Variants in MCM2 observed in about 807,000 individuals in gnomAD.
The protein encoded by MCM2 is DNA replication licensing factor MCM2.
In MCM2, 49 loss-of-function variants were observed where a neutral mutation model predicts 86.4. The observed-to-expected ratio is 0.57, with a 90% confidence interval of 0.45 to 0.72. MCM2 has a LOEUF of 0.72. MCM2 is among the 30% of genes least tolerant of loss of function. The probability of loss-of-function intolerance (pLI) is 0.00; values close to 1 mark genes in which losing one functional copy is unlikely to be tolerated. For missense variants in MCM2, 1,038 were observed against 1,259.9 expected (o/e 0.82, Z 2.67); for synonymous variants, 475 against 484.6 (o/e 0.98, Z 0.26).
At position 127,604,986 on chromosome 3, in the gene MCM2, T is replaced by C. The variant is rs762068793; in HGVS notation, c.503T>C (p.Ile168Thr). ...TEDGEEDEEM[I>T]ESIENLEDLK... is the part of the protein sequence containing the mutation. ...GACGGCGAGGAGGACGAGGAGATGA[T>C]CGAGAGCATCGAGAACCTGGAGGAT... The change falls in exon 4 of 16, where the codon ATC (isoleucine) becomes ACC (threonine). Residue 168 changes from isoleucine (I) to threonine (T), a missense_variant. Transcript: ENST00000265056. 2 of 1,613,918 alleles carry C rather than the reference T, an allele frequency of 1.2e-6. No homozygotes were observed. Among genetic ancestry groups the C allele is most frequent in the South Asian group, 2.2e-5 (2 of 91,078 alleles).
rs368340805 is a variant in MCM2 at position 127,621,774 on chromosome 3, G to A, written c.*1G>A. On this transcript the variant is annotated 3_prime_UTR_variant, in exon 16 of 16. Coordinates refer to ENST00000265056, the MANE Select transcript of MCM2 (RefSeq NM_004526.4). ...GAAAATGATCCTGCAGCAGTTCTGA[G>A]GCCCTATGCCATCCATAAGGATTCC... 4.3e-6 allele frequency: 7 copies of A among 1,611,616 alleles called. No individual in the cohort carries two copies. The highest frequency in any genetic ancestry group is 5.9e-6 in the Non-Finnish European group (7 of 1,177,982).
Position 127,608,881 on chromosome 3 carries a change from C to T in MCM2, c.1286C>T (p.Ala429Val). 6 of 1,614,148 alleles carry T rather than the reference C, an allele frequency of 3.7e-6. No individual in the cohort carries two copies. The highest frequency in any genetic ancestry group is 5.1e-6 in the Non-Finnish European group (6 of 1,180,036). Residue 429 changes from alanine (A) to valine (V), a missense_variant, in exon 8 of 16, where the codon GCC (alanine) becomes GTC (valine). By Grantham distance (64) the Ala-to-Val change is moderately conservative. Transcript: ENST00000265056. The part of the protein sequence containing the change: ...HNNYDGSLNT[A>V]NGFPVFATVI... ...AACTATGATGGCTCCCTCAACACTGCCAATGGCTTCCCTGTCTTTGCCACT... is the reference window on the plus strand; with the variant it reads ...AACTATGATGGCTCCCTCAACACTGTCAATGGCTTCCCTGTCTTTGCCACT...
chr3:127,598,969 T>C, intron 1 of MCM2: 2 of 396,512 alleles, frequency 5.0e-6, no homozygotes, highest in Non-Finnish European at 9.1e-6. Context: ...CTGTGTGTGC[T>C]GAAATAGGTC....
intron 8 of MCM2, among the ~76,000 whole-genome samples, chr3:127,609,837 CTTTTTTTTTTTTTTTTT>C (rs10716532): frequency 1.4e-5 from 1 of 69,088 alleles, no homozygotes; most frequent in Admixed American, 2.0e-4. Flanking sequence ...AGTCAACTTC[CTTTTTTTTTTTTTTTTT>C]TTTTTTTTTT....
At position 127,612,052 on chromosome 3, in the gene MCM2, G is replaced by A. The variant is rs536317776; in HGVS notation, c.1428+3029G>A. ...TTTTGAGTTAGTTATCATCCTTGAGGGATCCGGAGACTTCACATAGAAATC... is the reference window on the plus strand; with the variant it reads ...TTTTGAGTTAGTTATCATCCTTGAGAGATCCGGAGACTTCACATAGAAATC... On this transcript the variant is annotated intron_variant, in intron 8 of 15. Transcript: ENST00000265056. Among the ~76,000 whole-genome samples, 15 of 152,284 alleles carry A rather than the reference G, an allele frequency of 9.9e-5. 1 individual carries two copies. The highest frequency in any genetic ancestry group is 4.2e-4 in the South Asian group (2 of 4,814).
At chr3:127,620,963 C>G in intron 14 of MCM2, 83 bp downstream of exon 14, 1 of 1,568,998 alleles carries the variant, frequency 6.4e-7, no homozygotes, top group Admixed American at 1.7e-5. Flanking sequence ...CTGGCCTGGA[C>G]GTGCACCCAG....
At chr3:127,611,309 C>G (rs2074393077) in intron 8 of MCM2, among the ~76,000 whole-genome samples, 1 of 152,224 alleles carries the variant, frequency 6.6e-6, no homozygotes, top group South Asian at 2.1e-4. Flanking sequence ...GTGTCTGTGC[C>G]TACCACGCCA....
Position 127,604,645 on chromosome 3 carries a change from GC to G in MCM2, c.276del (p.Glu93ArgfsTer10). The G allele has an allele frequency of 6.2e-7, 1 of 1,613,318 alleles. No homozygotes were observed. Among genetic ancestry groups the G allele is most frequent in the Non-Finnish European group, 8.5e-7 (1 of 1,180,040 alleles). On this transcript the variant is annotated frameshift_variant, in exon 3 of 16. Transcript: ENST00000265056. LOFTEE classifies it high-confidence loss of function. ...CATCCCAGAGCTGGACGCCTATGAGGCCGAGGGACTGGCTCTGGATGATGAG... is the reference window on the plus strand; with the variant it reads ...CATCCCAGAGCTGGACGCCTATGAGGCGAGGGACTGGCTCTGGATGATGAG... ...RAIPELDAYE[A>X]EGLALDDEDV... is the part of the protein sequence containing the mutation.
rs140620010 is a variant in MCM2, at chr3:127,608,999, C to G, written c.1404C>G (p.Ser468=). ...DEDVKMITSL[S]KDQQIGEKIF... ...ATGTGAAGATGATCACTAGCCTCTC[C>G]AAGGATCAGCAGATCGGAGAGAAGG... The change falls in exon 8 of 16, where the codon TCC becomes TCG. Residue 468 remains serine, a synonymous_variant. Transcript: ENST00000265056. 1.9e-4 allele frequency: 306 copies of G among 1,614,102 alleles called. 1 individual carries two copies. In the African/African-American group the frequency reaches 3.5e-3, roughly 18 times the overall value.
chr3:127,620,821 G>C lies in MCM2; in HGVS notation c.2389G>C (p.Val797Leu). 1 of 1,614,008 alleles carries C rather than the reference G, an allele frequency of 6.2e-7. No homozygotes were observed. The highest frequency in any genetic ancestry group is 1.7e-5 in the Admixed American group (1 of 60,006). ...AGACGACGTCAACATGGCCATCCGC[G>C]TGATGCTGGAGAGCTTCATAGACAC... Reference protein sequence around the residue: ...IEDDVNMAIRVMLESFIDTQK... With the variant: ...IEDDVNMAIRLMLESFIDTQK... Residue 797 changes from valine (V) to leucine (L), a missense_variant, in exon 14 of 16, where the codon GTG becomes CTG. Transcript: ENST00000265056.
rs774383866 is a variant in MCM2 at position 127,608,410 on chromosome 3, G to A, written c.1130G>A (p.Arg377Gln). The stretch of plus-strand genomic sequence containing the variant: ...ATCTATCAGAACTACCAGCGTATCC[G>A]AATCCAGGAGAGTCCAGGCAAAGTG... The part of the protein sequence containing the change: ...ETIYQNYQRI[R>Q]IQESPGKVAA... The change falls in exon 7 of 16, where the codon CGA (arginine) becomes CAA (glutamine). Residue 377 changes from arginine (R) to glutamine (Q), a missense_variant. Physicochemically the swap from Arg to Gln is conservative, Grantham distance 43 (BLOSUM62 1). Around this residue, in one of 4 missense-constraint regions of MCM2, gnomAD observed 399 missense variants for 507.2 expected, o/e 0.79. Transcript: ENST00000265056. The A allele has an allele frequency of 1.2e-5, 19 of 1,614,228 alleles. No homozygotes were observed. Among genetic ancestry groups the A allele is most frequent in the East Asian group, 4.5e-5 (2 of 44,890 alleles).
rs776760062 is a variant in MCM2, at chr3:127,605,058, G to A, written c.575G>A (p.Arg192Gln). The A allele has an allele frequency of 1.7e-5, 28 of 1,613,858 alleles. 1 individual carries two copies. The South Asian group carries it at 2.2e-4, about 13-fold the overall frequency. ...VREWVSMAGPRLEIHHRFKNF... is the reference protein window; with the variant it reads ...VREWVSMAGPQLEIHHRFKNF... ...GAGTGGGTGAGCATGGCGGGCCCCC[G>A]GCTGGAGATCCACCACCGCTTCAAG... is the stretch of plus-strand genomic sequence containing the variant. Residue 192 changes from arginine (R) to glutamine (Q), a missense_variant, in exon 4 of 16, where the codon CGG becomes CAG. Arg to Gln is a conservative substitution (Grantham distance 43). This residue lies in a region of MCM2 where 300 missense variants were observed against 307.4 expected (regional missense o/e 0.98). Transcript: ENST00000265056.
chr3:127,617,087 G>A lies in MCM2; in HGVS notation c.1742G>A (p.Arg581Gln), dbSNP rs781626740. Residue 581 changes from arginine (R) to glutamine (Q), a missense_variant, in exon 10 of 16, where the codon CGA becomes CAA. Arg to Gln is a conservative substitution (Grantham distance 43). Coordinates refer to ENST00000265056, the MANE Select transcript of MCM2 (RefSeq NM_004526.4). This position sits in a 1 kb window ranked among gnomAD's most constrained non-coding sequence, Gnocchi z 4.1. ...LEAGALVLAD[R>Q]GVCLIDEFDK... is the part of the protein sequence containing the mutation. ...GCTGGGGCCCTGGTTCTGGCTGACC[G>A]AGGAGTGTGTCTCATTGATGAATTT... 8 of 1,613,974 alleles carry A rather than the reference G, an allele frequency of 5.0e-6. No homozygotes were observed. Among genetic ancestry groups the A allele is most frequent in the African/African-American group, 2.7e-5 (2 of 74,910 alleles).
intron 8 of MCM2, among the ~76,000 whole-genome samples, chr3:127,614,586 C>G (rs2074420391): frequency 6.6e-6 from 1 of 152,250 alleles, no homozygotes; most frequent in Non-Finnish European, 1.5e-5. Flanking sequence ...ACACACACCT[C>G]TGTCACCTGT....
rs774773972 is a variant in MCM2 at position 127,598,488 on chromosome 3, C to G, written c.6+16C>G. ...TGCTATGGCGGTGAGCGCGCTGGCG[C>G]GTGGCGGGCGGGCGCCGGGGACATG... On this transcript the variant is annotated intron_variant, in intron 1 of 15. Coordinates refer to ENST00000265056, the MANE Select transcript of MCM2 (RefSeq NM_004526.4). 2 of 1,612,182 alleles carry G rather than the reference C, an allele frequency of 1.2e-6. No individual in the cohort carries two copies. The highest frequency in any genetic ancestry group is 2.2e-5 in the South Asian group (2 of 90,986).
rs17538746 is a variant in MCM2, at chr3:127,621,311, G to C, written c.2604+83G>C. 2.1e-3 allele frequency: 3,160 copies of C among 1,541,062 alleles called. 56 individuals are homozygous for C. In the African/African-American group the frequency reaches 0.035, roughly 17 times the overall value. On this transcript the variant is annotated intron_variant, in intron 15 of 15. Coordinates refer to ENST00000265056, the MANE Select transcript of MCM2 (RefSeq NM_004526.4). The stretch of plus-strand genomic sequence containing the variant: ...TCCTGATGGGGGCTCCATCATAATG[G>C]GTCATGAAGTGGGTGGGCCTTGGTT...
Position 127,621,240 on chromosome 3 carries a change from G to A in MCM2, c.2604+12G>A, listed in dbSNP as rs746182827. 2 of 1,613,606 alleles carry A rather than the reference G, an allele frequency of 1.2e-6. No individual in the cohort carries two copies. Among genetic ancestry groups the A allele is most frequent in the Non-Finnish European group, 1.7e-6 (2 of 1,179,918 alleles). On this transcript the variant is annotated intron_variant, in intron 15 of 15. Coordinates refer to ENST00000265056, the MANE Select transcript of MCM2 (RefSeq NM_004526.4). ...ACTTGGTGGATAAGGTATGGGCCCG[G>A]AAGGGAGGTGAGGGTTGGGGTATGC... is the stretch of plus-strand genomic sequence containing the variant.
intron 9 of MCM2, among the ~76,000 whole-genome samples, chr3:127,616,573 C>T (rs1303446000): frequency 6.6e-6 from 1 of 152,236 alleles, no homozygotes; most frequent in African/African-American, 2.4e-5. Context: ...AAATGACTAT[C>T]ATGCCACCAG....
rs908110743 is a variant in MCM2 at position 127,618,400 on chromosome 3, A to T, written c.2013+319A>T. Among the ~76,000 whole-genome samples the T allele has an allele frequency of 1.3e-5, 2 of 152,058 alleles. No individual in the cohort carries two copies. The highest frequency in any genetic ancestry group is 6.5e-5 in the Admixed American group (1 of 15,268). ...CATCTGAACTGGCCTCCTGGCACCC[A>T]TGTAGACTGTCTTCCAGTTGAAGGC... is the stretch of plus-strand genomic sequence containing the variant. On this transcript the variant is annotated intron_variant, in intron 12 of 15. Transcript: ENST00000265056. The surrounding 1 kb of genome is among the most constrained non-coding windows in gnomAD (Gnocchi z 4.0).
Sources: gnomAD v4.1 joint callset for allele counts (sites outside exome capture counted in the v4.1 genomes callset) on GRCh38, gnomAD v4.1.1 for gene constraint, gnomAD v4.1.1 regional missense constraint, Gnocchi (gnomAD v3.1) non-coding constraint, MANE v1.5 for transcripts, NCBI Gene and HGNC (gene_info 2026-07-23, HGNC 2026-07-21) for gene names.